The following TNRC6B variants were observed in gnomAD, a reference collection of about 807,000 sequenced individuals.
TNRC6B encodes the protein trinucleotide repeat-containing gene 6B protein.
A neutral mutation model predicts 203.6 loss-of-function variants in TNRC6B; 52 were observed. That is an observed-to-expected ratio of 0.26 (90% CI 0.20 to 0.32). TNRC6B has a LOEUF of 0.32. TNRC6B is among the 10% of genes least tolerant of loss of function. The probability of loss-of-function intolerance (pLI) is 1.00; values close to 1 mark genes in which losing one functional copy is unlikely to be tolerated. For synonymous variants in TNRC6B, 838 were observed against 845.7 expected, an observed-to-expected ratio of 0.99 and a Z score of 0.16; for missense variants, 1,923 against 2,286.2, an observed-to-expected ratio of 0.84 and a Z score of 3.24.
At chr22:40,190,846 C>G (rs1240074605) in intron 1 of TNRC6B, among the ~76,000 whole-genome samples, 1 of 152,158 alleles carries the variant, frequency 6.6e-6, no homozygotes, top group Non-Finnish European at 1.5e-5. Context: ...TGAATTGGAG[C>G]TTGGTATAAT....
chr22:40,164,811 C>A (rs189293972), intron 4 of TNRC6B, among the ~76,000 whole-genome samples: 1 of 144,764 alleles, frequency 6.9e-6, no homozygotes, highest in African/African-American at 2.6e-5. Context: ...AATAGCGTCT[C>A]ACTCTGCCCA....
chr22:40,089,943 C>T (rs1293003000), intron 1 of TNRC6B, among the ~76,000 whole-genome samples: 1 of 152,156 alleles, frequency 6.6e-6, no homozygotes, highest in East Asian at 1.9e-4. Context: ...ATCACATAGC[C>T]TTTTCATGAT....
At chr22:40,227,833 T>G (rs1199306605) in intron 1 of TNRC6B, among the ~76,000 whole-genome samples, 1 of 152,226 alleles carries the variant, frequency 6.6e-6, no homozygotes, top group African/African-American at 2.4e-5. Flanking sequence ...CCTGAATGTT[T>G]AGAAGAGCTG....
chr22:40,246,707 A>G (rs1205796920), intron 2 of TNRC6B, among the ~76,000 whole-genome samples: 1 of 152,164 alleles, frequency 6.6e-6, no homozygotes, highest in Non-Finnish European at 1.5e-5. Context: ...TTGTATATTA[A>G]TTTAATCTAT....
rs963771564 is a variant in TNRC6B, at chr22:40,106,085, A to G, written c.-120-10970A>G. Among the ~76,000 whole-genome samples, 4 of 151,908 alleles carry G rather than the reference A, an allele frequency of 2.6e-5. 1 individual carries two copies. Among genetic ancestry groups the G allele is most frequent in the African/African-American group, 7.3e-5 (3 of 41,350 alleles). On this transcript the variant is annotated intron_variant, in intron 1 of 23. Transcript: ENST00000301923. The stretch of plus-strand genomic sequence containing the variant: ...TTTGGATAATTTTGGTTTTTTTGTC[A>G]TCGTTTGATGACATGTTTCATCTAG...
At chr22:40,210,903 C>G (rs904130060) in intron 1 of TNRC6B, among the ~76,000 whole-genome samples, 1 of 152,126 alleles carries the variant, frequency 6.6e-6, no homozygotes, top group Middle Eastern at 3.2e-3. Context: ...CCTCCTAAGC[C>G]TTCTACCCAC....
intron 12 of TNRC6B, among the ~76,000 whole-genome samples, chr22:40,300,203 A>G (rs1466104157): frequency 6.6e-6 from 1 of 152,184 alleles, no homozygotes; most frequent in African/African-American, 2.4e-5. Context: ...TTTCCTGAAT[A>G]TAAAATTTAT....
intron 9 of TNRC6B, among the ~76,000 whole-genome samples, 186 bp downstream of exon 9, chr22:40,278,230 A>G (rs1321030774): frequency 6.6e-6 from 1 of 152,202 alleles, no homozygotes; most frequent in Non-Finnish European, 1.5e-5. Context: ...AGGAGTCAGC[A>G]AAGAATGTAA....
chr22:40,130,257 A>G (rs1365722908), intron 3 of TNRC6B, among the ~76,000 whole-genome samples: 5 of 152,190 alleles, frequency 3.3e-5, no homozygotes, highest in Non-Finnish European at 5.9e-5. Context: ...GCCTGAGCTC[A>G]GGCCCAAATC....
chr22:40,302,652 G>T (rs928953200), intron 15 of TNRC6B, among the ~76,000 whole-genome samples: 2 of 147,060 alleles, frequency 1.4e-5, no homozygotes, highest in Non-Finnish European at 3.0e-5. Flanking sequence ...AAAAAAAAAA[G>T]AGTTGGGAAG....
chr22:40,104,257 GA>G (rs145571764), intron 1 of TNRC6B, among the ~76,000 whole-genome samples: 12 of 151,548 alleles, frequency 7.9e-5, no homozygotes, highest in East Asian at 2.0e-4. Context: ...TCTCAGGGAA[GA>G]AAAAAAATGG....
upstream of TNRC6B, among the ~76,000 whole-genome samples, chr22:40,173,613 C>T (rs1569007637): frequency 6.7e-6 from 1 of 149,988 alleles, no homozygotes; most frequent in Non-Finnish European, 1.5e-5. Flanking sequence ...CGAGATCTCA[C>T]TATGTTTGTT....
chr22:40,157,937 C>T (rs1462271268), intron 4 of TNRC6B, among the ~76,000 whole-genome samples: 1 of 152,154 alleles, frequency 6.6e-6, no homozygotes, highest in Admixed American at 6.6e-5. Context: ...TAGATTTGAA[C>T]CCAGATCTTA....
rs570685582 is a variant in TNRC6B, at chr22:40,063,184, C to T, written c.-121+18186C>T. On this transcript the variant is annotated intron_variant, in intron 1 of 23. Transcript: ENST00000301923. ...AGCCCCATTTGTTGAAAAGACTATT[C>T]TTTTAATTCATTTAATTATCTTGGC... is the stretch of plus-strand genomic sequence containing the variant. 3.9e-5 allele frequency among the ~76,000 whole-genome samples: 6 copies of T among 152,228 alleles called. No individual in the cohort carries two copies. In the East Asian group the frequency reaches 9.6e-4, roughly 24 times the overall value.
In TNRC6B at chr22:40,210,985, G is replaced by C. The variant is rs543542116; in HGVS notation, c.5+32845G>C. On this transcript the variant is annotated intron_variant, in intron 1 of 22. Transcript: ENST00000454349. ...CTCTATATATTGTCAGATGTCTCCT[G>C]AAGGGCAGAATCATCCTTGCTGAAA... Among the ~76,000 whole-genome samples, 5 of 152,266 alleles carry C rather than the reference G, an allele frequency of 3.3e-5. No individual in the cohort carries two copies. The South Asian group carries it at 1.0e-3, about 32-fold the overall frequency.
chr22:40,306,217 C>T (rs2071086221), intron 15 of TNRC6B, among the ~76,000 whole-genome samples: 1 of 152,126 alleles, frequency 6.6e-6, no homozygotes, highest in Non-Finnish European at 1.5e-5. Flanking sequence ...CGCTTGAACC[C>T]AGAGGCGAAG....
intron 1 of TNRC6B, among the ~76,000 whole-genome samples, chr22:40,057,629 A>AAT (rs1555972979): frequency 1.3e-5 from 2 of 152,120 alleles, no homozygotes; most frequent in African/African-American, 2.4e-5. Flanking sequence ...TATTTAAAAA[A>AAT]ATATATATAC....
At chr22:40,268,286 A>G (rs953475170) in intron 5 of TNRC6B, among the ~76,000 whole-genome samples, 4 of 151,998 alleles carry the variant, frequency 2.6e-5, no homozygotes, top group Non-Finnish European at 2.9e-5. Context: ...GGATTTCACC[A>G]TGTTGGCCAG....
intron 1 of TNRC6B, among the ~76,000 whole-genome samples, chr22:40,052,555 C>T (rs5757837): frequency 6.9e-6 from 1 of 144,930 alleles, no homozygotes; most frequent in East Asian, 2.1e-4. Context: ...CTCCTGGGCT[C>T]AAGCAGTCCT....
Sources: allele counts gnomAD v4.1 joint callset (sites outside exome capture counted in the v4.1 genomes callset), GRCh38; gene constraint gnomAD v4.1.1; transcripts MANE v1.5; gene names NCBI Gene and HGNC (gene_info 2026-07-23, HGNC 2026-07-21).